The following SLC25A51 variants were observed in gnomAD, a reference collection of about 807,000 sequenced individuals.
SLC25A51 encodes the protein solute carrier family 25 member 51.
SLC25A51 carries 11 observed loss-of-function variants against 19.1 expected under a neutral mutation model. The ratio of observed to expected loss-of-function variants is 0.58; its 90% CI spans 0.36 to 0.96. The LOEUF (loss-of-function observed/expected upper bound fraction) is 0.96, where lower values mean the gene tolerates loss of function less well. SLC25A51 is among the 40% of genes least tolerant of loss of function. The pLI, the probability that SLC25A51 is intolerant of heterozygous loss-of-function variation, is 0.01. For synonymous variants in SLC25A51, 105 were observed against 133.6 expected, an observed-to-expected ratio of 0.79 and a Z score of 1.47; for missense variants, 201 against 365.4, an observed-to-expected ratio of 0.55 and a Z score of 3.67.
downstream of SLC25A51, among the ~76,000 whole-genome samples, chr9:37,884,937 C>T (rs538523673): frequency 8.5e-5 from 13 of 152,282 alleles, no homozygotes; most frequent in South Asian, 2.7e-3. Flanking sequence ...TTTCATAGCT[C>T]CTTGATCTAC....
At chr9:37,894,353 G>C (rs1831664710) in intron 2 of SLC25A51, among the ~76,000 whole-genome samples, 1 of 149,554 alleles carries the variant, frequency 6.7e-6, no homozygotes, top group African/African-American at 2.5e-5. Flanking sequence ...TTGAGGCAGA[G>C]TCTTGCTTTG....
At chr9:37,885,859 T>C (rs1318104066), downstream of SLC25A51, 2 of 1,599,836 alleles carry the variant, frequency 1.3e-6, no homozygotes, top group South Asian at 1.1e-5. Flanking sequence ...CTCTGCATAG[T>C]GTTCCTGATG....
chr9:37,900,615 T>C (rs966452584), intron 1 of SLC25A51, among the ~76,000 whole-genome samples: 11 of 152,174 alleles, frequency 7.2e-5, no homozygotes, highest in Middle Eastern at 3.4e-3. Context: ...AACATTTTTT[T>C]AGCAGAGAGG....
At chr9:37,889,819 C>T (rs1831540479) in intron 2 of SLC25A51, among the ~76,000 whole-genome samples, 1 of 150,852 alleles carries the variant, frequency 6.6e-6, no homozygotes, top group African/African-American at 2.4e-5. Flanking sequence ...ATGATCTTTC[C>T]TTGCCAGTCA....
Position 37,904,109 on chromosome 9 carries a change from G to A in SLC25A51, c.-206C>T, listed in dbSNP as rs1027618313. The A allele has an allele frequency of 1.3e-5, 2 of 152,340 alleles. No individual in the cohort carries two copies. The highest frequency in any genetic ancestry group is 2.4e-5 in the African/African-American group (1 of 41,468). 9.4% of individuals were successfully genotyped at this position (152,340 alleles called of 1,614,324 possible). On this transcript the variant is annotated 5_prime_UTR_variant, in exon 1 of 3. Transcript: ENST00000242275. ...CCCGCAGGACGGCTAGCGAGCCGGG[G>A]CCCGCGCAGGCGCAGACTGTGACCG... is the stretch of plus-strand genomic sequence containing the variant.
downstream of SLC25A51, among the ~76,000 whole-genome samples, chr9:37,887,205 TA>T (rs1197616078): frequency 6.6e-6 from 1 of 151,604 alleles, no homozygotes; most frequent in Non-Finnish European, 1.5e-5. Flanking sequence ...TAATCCCAGC[TA>T]CTTAGGAGGC....
chr9:37,877,922 C>T (rs773409088), downstream of SLC25A51, among the ~76,000 whole-genome samples: 5 of 152,096 alleles, frequency 3.3e-5, no homozygotes, highest in East Asian at 1.9e-4. Context: ...ATGGGAGGAT[C>T]GCTTGAGCCT....
At chr9:37,886,838 G>A (rs888722862), downstream of SLC25A51, among the ~76,000 whole-genome samples, 1 of 152,154 alleles carries the variant, frequency 6.6e-6, no homozygotes, top group Non-Finnish European at 1.5e-5. Flanking sequence ...GCTTCCTTAA[G>A]CCCTTCTGGC....
downstream of SLC25A51, chr9:37,886,235 T>A: frequency 6.2e-7 from 1 of 1,605,102 alleles, no homozygotes; most frequent in East Asian, 2.2e-5. Context: ...CTCATGGACC[T>A]TCTCTGAGGA....
chr9:37,892,454 G>A (rs1165550199), intron 2 of SLC25A51, among the ~76,000 whole-genome samples: 1 of 152,214 alleles, frequency 6.6e-6, no homozygotes, highest in African/African-American at 2.4e-5. Context: ...AGAGAAGGAT[G>A]GGTAGCTGAT....
At chr9:37,895,997 A>G (rs1025073493) in intron 2 of SLC25A51, among the ~76,000 whole-genome samples, 2 of 152,078 alleles carry the variant, frequency 1.3e-5, no homozygotes, top group Non-Finnish European at 2.9e-5. Context: ...TATTTTTAGT[A>G]AAGACAAGGT....
downstream of SLC25A51, chr9:37,887,566 T>A: frequency 7.1e-7 from 1 of 1,407,226 alleles, no homozygotes; most frequent in Non-Finnish European, 9.5e-7. Flanking sequence ...AAGATTGGGA[T>A]TTCCTTTAAA....
intron 1 of SLC25A51, among the ~76,000 whole-genome samples, chr9:37,900,962 CTCAA>C (rs1831833910): frequency 6.6e-6 from 1 of 152,028 alleles, no homozygotes. Context: ...ACCTCCTGGG[CTCAA>C]GCAATCCTTC....
chr9:37,896,314 T>C (rs528502855), intron 2 of SLC25A51, among the ~76,000 whole-genome samples: 1 of 152,004 alleles, frequency 6.6e-6, no homozygotes, highest in South Asian at 2.1e-4. Flanking sequence ...AGTACTAACC[T>C]GTTTTAACCT....
At chr9:37,885,342 TAAAAAAAAAAAA>T (rs60095173), downstream of SLC25A51, among the ~76,000 whole-genome samples, 3 of 99,244 alleles carry the variant, frequency 3.0e-5, no homozygotes, top group Admixed American at 2.2e-4. Context: ...TAGGTAATGA[TAAAAAAAAAAAA>T]AAAAAAAAAA....
chr9:37,885,754 A>C, downstream of SLC25A51: 3 of 1,494,588 alleles, frequency 2.0e-6, no homozygotes. Flanking sequence ...ATCACTGTGG[A>C]GCAACATATA....
downstream of SLC25A51, among the ~76,000 whole-genome samples, chr9:37,885,260 C>G (rs995136696): frequency 4.2e-5 from 6 of 142,766 alleles, no homozygotes; most frequent in Admixed American, 3.0e-4. Context: ...AGAATCCTAT[C>G]TTGGGGATTA....
At chr9:37,901,722 T>C (rs1305471901) in intron 1 of SLC25A51, among the ~76,000 whole-genome samples, 1 of 152,218 alleles carries the variant, frequency 6.6e-6, no homozygotes, top group Non-Finnish European at 1.5e-5. Flanking sequence ...CTCCTCTCCC[T>C]TTCTTAATGT....
chr9:37,888,932 A>G (rs1452439841), intron 2 of SLC25A51, among the ~76,000 whole-genome samples: 2 of 152,234 alleles, frequency 1.3e-5, no homozygotes, highest in African/African-American at 4.8e-5. Context: ...ATATTTTCTA[A>G]TGACTGTAAA....
Sources: allele counts gnomAD v4.1 joint callset (sites outside exome capture counted in the v4.1 genomes callset), GRCh38; gene constraint gnomAD v4.1.1; transcripts MANE v1.5; gene names NCBI Gene and HGNC (gene_info 2026-07-23, HGNC 2026-07-21).